SLC24A3: variants seen among roughly 807,000 people sequenced by gnomAD.
SLC24A3 encodes the protein solute carrier family 24 member 3.
SLC24A3 carries 28 observed loss-of-function variants against 75.8 expected under a neutral mutation model. That is an observed-to-expected ratio of 0.37 (90% confidence interval 0.27 to 0.51). The LOEUF (loss-of-function observed/expected upper bound fraction) is 0.51. Ranked by LOEUF, SLC24A3 falls within the 20% of genes least tolerant of loss-of-function variation. The probability of loss-of-function intolerance (pLI) is 0.94; values close to 1 mark genes in which losing one functional copy is unlikely to be tolerated. For missense variants in SLC24A3, 663 were observed against 847.8 expected, an observed-to-expected ratio of 0.78 and a Z score of 2.71; for synonymous variants, 372 against 334.1, an observed-to-expected ratio of 1.11 and a Z score of -1.24.
chr20:19,455,924 G>A (rs1021475103), intron 2 of SLC24A3, among the ~76,000 whole-genome samples: 13 of 152,198 alleles, frequency 8.5e-5, no homozygotes, highest in African/African-American at 2.4e-4. Context: ...TTTATTAGGC[G>A]ACTATTGTGT....
At chr20:19,324,441 C>T (rs760226773) in intron 2 of SLC24A3, among the ~76,000 whole-genome samples, 1 of 152,174 alleles carries the variant, frequency 6.6e-6, no homozygotes, top group Non-Finnish European at 1.5e-5. Flanking sequence ...ATTTTCACTG[C>T]TCTAACAGAT....
At position 19,654,070 on chromosome 20, in the gene SLC24A3, T is replaced by A; in HGVS notation, c.621T>A (p.Ala207=). Reference sequence around the variant, plus strand: ...TTTCCCTTGTCCTGCAGGTTGTGGCTCTTTCCTCCTGGTGCCTGCTGAGGG... The same window carrying A: ...TTTCCCTTGTCCTGCAGGTTGTGGCACTTTCCTCCTGGTGCCTGCTGAGGG... The part of the protein sequence containing the change: ...VCGLFAGQVV[A]LSSWCLLRDS... The change falls in exon 7 of 17, where the codon GCT becomes GCA. Residue 207 remains alanine, a synonymous_variant. Transcript: ENST00000328041. 6.2e-7 allele frequency: 1 copy of A among 1,613,318 alleles called. No individual in the cohort carries two copies. Among genetic ancestry groups the A allele is most frequent in the Non-Finnish European group, 8.5e-7 (1 of 1,179,342 alleles).
intron 2 of SLC24A3, among the ~76,000 whole-genome samples, chr20:19,431,316 G>A (rs1340756748): frequency 6.6e-6 from 1 of 152,066 alleles, no homozygotes; most frequent in Non-Finnish European, 1.5e-5. Context: ...GTTGGGAGGG[G>A]CAGTGGACCC....
chr20:19,331,518 T>C (rs1985000251), intron 2 of SLC24A3, among the ~76,000 whole-genome samples: 1 of 152,186 alleles, frequency 6.6e-6, no homozygotes, highest in Non-Finnish European at 1.5e-5. Context: ...CTAACAAAAA[T>C]GAGTACAATA....
intron 2 of SLC24A3, among the ~76,000 whole-genome samples, chr20:19,430,512 A>G (rs1987082669): frequency 6.6e-6 from 1 of 152,148 alleles, no homozygotes; most frequent in Admixed American, 6.5e-5. Context: ...CTCCCAGTTT[A>G]TTTATGTGGA....
At chr20:19,456,570 A>G (rs1208560207) in intron 2 of SLC24A3, among the ~76,000 whole-genome samples, 2 of 152,208 alleles carry the variant, frequency 1.3e-5, no homozygotes, top group Admixed American at 6.5e-5. Flanking sequence ...TAAATTGCCC[A>G]GTCTTTATTG....
Position 19,396,091 on chromosome 20 carries a change from C to T in SLC24A3, c.271+115004C>T, listed in dbSNP as rs186219549. The stretch of plus-strand genomic sequence containing the variant: ...GTATGATAACCCTTGAAAAGATGAC[C>T]ATTTATGGCTCTGCAAAAGGAAGTT... On this transcript the variant is annotated intron_variant, in intron 2 of 16. Transcript: ENST00000328041. Among the ~76,000 whole-genome samples the T allele has an allele frequency of 4.6e-5, 7 of 152,192 alleles. No individual in the cohort carries two copies. The East Asian group carries it at 1.4e-3, about 29-fold the overall frequency.
chr20:19,648,108 A>C (rs1417029847), intron 6 of SLC24A3, among the ~76,000 whole-genome samples: 1 of 152,152 alleles, frequency 6.6e-6, no homozygotes, highest in Non-Finnish European at 1.5e-5. Context: ...CCCGGCATAG[A>C]AGTTTTTTAA....
At chr20:19,231,583 A>G (rs1161404495) in intron 1 of SLC24A3, among the ~76,000 whole-genome samples, 1 of 152,192 alleles carries the variant, frequency 6.6e-6, no homozygotes, top group Non-Finnish European at 1.5e-5. Context: ...GGAGCTGGAC[A>G]AGGCAAGGCT....
chr20:19,251,596 G>A (rs1176088283), intron 1 of SLC24A3, among the ~76,000 whole-genome samples: 4 of 152,218 alleles, frequency 2.6e-5, no homozygotes, highest in African/African-American at 7.2e-5. Flanking sequence ...GTCTCAGAGA[G>A]TCTGTGGAAC....
chr20:19,451,331 C>G (rs1987477184), intron 2 of SLC24A3, among the ~76,000 whole-genome samples: 1 of 152,314 alleles, frequency 6.6e-6, no homozygotes, highest in South Asian at 2.1e-4. Flanking sequence ...ACTATTCTCG[C>G]CTGAATCAAC....
rs542455863 is a variant in SLC24A3 at position 19,427,516 on chromosome 20, CTT to C, written c.272-87970_272-87969del. 3.3e-3 allele frequency among the ~76,000 whole-genome samples: 502 copies of C among 152,322 alleles called. 3 individuals are homozygous for C. Among genetic ancestry groups the C allele is most frequent in the African/African-American group, 0.011 (474 of 41,558 alleles). ...CTTGACTTTTCAAATACCATTTGCG[CTT>C]TAGTGTTCCACTGGGGGCTGGGGGA... On this transcript the variant is annotated intron_variant, in intron 2 of 16. Coordinates refer to ENST00000328041, the MANE Select transcript of SLC24A3 (RefSeq NM_020689.4).
chr20:19,512,418 A>C (rs1267463836), intron 2 of SLC24A3, among the ~76,000 whole-genome samples: 1 of 152,212 alleles, frequency 6.6e-6, no homozygotes, highest in Non-Finnish European at 1.5e-5. Flanking sequence ...CTCAGCCTCC[A>C]GTGTGTCTTC....
chr20:19,290,758 C>G (rs1983922340), intron 2 of SLC24A3, among the ~76,000 whole-genome samples: 1 of 152,152 alleles, frequency 6.6e-6, no homozygotes, highest in Non-Finnish European at 1.5e-5. Flanking sequence ...GGTAGAATAG[C>G]TGGGCTTGCA....
At chr20:19,537,321 A>T (rs2030417110) in intron 3 of SLC24A3, among the ~76,000 whole-genome samples, 1 of 152,236 alleles carries the variant, frequency 6.6e-6, no homozygotes, top group South Asian at 2.1e-4. Flanking sequence ...TCAAAACCAC[A>T]GCGAGATACC....
At chr20:19,287,951 A>G (rs1789288687) in intron 2 of SLC24A3, among the ~76,000 whole-genome samples, 1 of 152,170 alleles carries the variant, frequency 6.6e-6, no homozygotes, top group Non-Finnish European at 1.5e-5. Context: ...GCTTGTGGTA[A>G]TCATTCAGTG....
intron 2 of SLC24A3, among the ~76,000 whole-genome samples, chr20:19,470,941 A>G (rs938838535): frequency 2.6e-5 from 4 of 152,208 alleles, no homozygotes; most frequent in Non-Finnish European, 5.9e-5. Context: ...TCGAAGCAGG[A>G]TAGATTTCTC....
chr20:19,614,396 T>C (rs967439256), intron 6 of SLC24A3, among the ~76,000 whole-genome samples: 3 of 152,244 alleles, frequency 2.0e-5, no homozygotes, highest in Admixed American at 2.0e-4. Flanking sequence ...ACATGCAATA[T>C]CTTTCTCCTA....
chr20:19,469,433 GT>G (rs1271754057), intron 2 of SLC24A3, among the ~76,000 whole-genome samples: 20 of 152,308 alleles, frequency 1.3e-4, no homozygotes, highest in African/African-American at 4.8e-4. Context: ...AGAACAACAT[GT>G]TCCCAAGCCG....
Sources: gnomAD v4.1 joint callset for allele counts (sites outside exome capture counted in the v4.1 genomes callset) on GRCh38, gnomAD v4.1.1 for gene constraint, MANE v1.5 for transcripts, NCBI Gene and HGNC (gene_info 2026-07-23, HGNC 2026-07-21) for gene names.